Variants in PKHD1 observed in about 807,000 individuals in gnomAD.
The protein encoded by PKHD1 is fibrocystin.
In PKHD1, 291 loss-of-function variants were observed where a neutral mutation model predicts 412.0. The observed-to-expected ratio is 0.71, with a 90% confidence interval of 0.64 to 0.78. PKHD1 has a LOEUF of 0.78. Ranked by LOEUF, PKHD1 falls within the 30% of genes least tolerant of loss-of-function variation. PKHD1 has a pLI of 0.00. For synonymous variants in PKHD1, 1,777 were observed against 1,821.5 expected (o/e 0.98, Z 0.62); for missense variants, 4,825 against 4,950.7 (o/e 0.97, Z 0.76).
chr6:51,774,742 A>G (rs546063941), intron 54 of PKHD1, among the ~76,000 whole-genome samples: 2 of 151,988 alleles, frequency 1.3e-5, no homozygotes, highest in Admixed American at 1.3e-4. Flanking sequence ...AATGAATATT[A>G]AATTTATATC....
At chr6:51,776,961 A>C (rs1222655941) in intron 53 of PKHD1, among the ~76,000 whole-genome samples, 2 of 152,078 alleles carry the variant, frequency 1.3e-5, no homozygotes, top group Non-Finnish European at 2.9e-5. Context: ...GGTTAGTTTC[A>C]ATGGAACATA....
At chr6:51,689,948 C>T (rs560206900) in intron 60 of PKHD1, among the ~76,000 whole-genome samples, 15 of 152,120 alleles carry the variant, frequency 9.9e-5, no homozygotes, top group Admixed American at 2.0e-4. Context: ...AATGCTATTC[C>T]TATAAACTAC....
At chr6:51,636,210 A>G (rs1318975746) in intron 64 of PKHD1, among the ~76,000 whole-genome samples, 1 of 152,164 alleles carries the variant, frequency 6.6e-6, no homozygotes, top group East Asian at 1.9e-4. Flanking sequence ...TCTCTCTAAA[A>G]TATTGGAGAG....
At chr6:51,674,407 TC>T (rs1223346082) in intron 60 of PKHD1, among the ~76,000 whole-genome samples, 1 of 152,174 alleles carries the variant, frequency 6.6e-6, no homozygotes, top group Non-Finnish European at 1.5e-5. Context: ...CCTTCCTTCC[TC>T]CTTTCCTTCC....
chr6:52,046,253 C>A, intron 23 of PKHD1, 65 bp from the exon 24 acceptor site: 1 of 1,247,982 alleles, frequency 8.0e-7, no homozygotes, highest in Non-Finnish European at 1.2e-6. Flanking sequence ...AGAGTTTCAT[C>A]CTCAAGGATA....
At chr6:51,732,012 G>A (rs995580311) in intron 60 of PKHD1, among the ~76,000 whole-genome samples, 2 of 151,962 alleles carry the variant, frequency 1.3e-5, no homozygotes, top group African/African-American at 2.4e-5. Context: ...AAATTGACAT[G>A]GCATAACAGT....
chr6:51,736,689 A>C (rs1173649961), intron 60 of PKHD1, among the ~76,000 whole-genome samples: 3 of 152,154 alleles, frequency 2.0e-5, no homozygotes, highest in African/African-American at 4.8e-5. Flanking sequence ...TAGAAGAAAA[A>C]GACCTCTGCA....
intron 60 of PKHD1, among the ~76,000 whole-genome samples, chr6:51,706,393 G>A (rs1226041374): frequency 6.6e-6 from 1 of 151,594 alleles, no homozygotes; most frequent in East Asian, 1.9e-4. Flanking sequence ...GCCCAAGTAG[G>A]CCCTTCCTTT....
intron 60 of PKHD1, among the ~76,000 whole-genome samples, chr6:51,680,207 G>T (rs541433451): frequency 1.3e-5 from 2 of 151,864 alleles, no homozygotes; most frequent in Non-Finnish European, 2.9e-5. Flanking sequence ...TTTTTTCCAC[G>T]ATGGCTTGAT....
chr6:51,996,050 G>T (rs1562088836), intron 35 of PKHD1, among the ~76,000 whole-genome samples: 1 of 150,968 alleles, frequency 6.6e-6, no homozygotes, highest in Non-Finnish European at 1.5e-5. Flanking sequence ...CCGTCGCCCA[G>T]ACTGGAGTGC....
Position 52,025,431 on chromosome 6 carries a change from T to C in PKHD1, c.4379A>G (p.Asn1460Ser). The C allele has an allele frequency of 1.2e-6, 2 of 1,606,856 alleles. No homozygotes were observed. Among genetic ancestry groups the C allele is most frequent in the Non-Finnish European group, 1.7e-6 (2 of 1,175,584 alleles). The change falls in exon 32 of 67, where the codon AAC becomes AGC. Residue 1460 changes from asparagine to serine, a missense_variant. Physicochemically the swap from Asn to Ser is conservative, Grantham distance 46. Coordinates refer to ENST00000371117, the MANE Select transcript of PKHD1 (RefSeq NM_138694.4). ...TAGCCCATTGACCAGGACTGTGACG[T>C]TCAGGGAGAAGGAAGCTCCAGGCAA... ...DPLPGASFSL[N>S]VTVLVNGLTS...
Position 52,043,644 on chromosome 6 carries a change from A to ATGGACACAGGGAGTTGACCCTTGG in PKHD1, c.2778_2801dup (p.Gln927_His934dup). The ATGGACACAGGGAGTTGACCCTTGG allele has an allele frequency of 6.2e-7, 1 of 1,611,694 alleles. No individual in the cohort carries two copies. The highest frequency in any genetic ancestry group is 8.5e-7 in the Non-Finnish European group (1 of 1,177,868). On this transcript the variant is annotated inframe_insertion, in exon 26 of 67. Transcript: ENST00000371117. ...TCATACCAATGGAGTACCACACAGA[A>ATGGACACAGGGAGTTGACCCTTGG]TGGACACAGGGAGTTGACCCTTGGA...
chr6:51,968,207 A>G (rs1445835621), intron 35 of PKHD1, among the ~76,000 whole-genome samples: 7 of 152,170 alleles, frequency 4.6e-5, no homozygotes, highest in Non-Finnish European at 8.8e-5. Context: ...TCTTCATACA[A>G]TAGAAATAAT....
chr6:51,931,377 G>A (rs1454752465), intron 37 of PKHD1, among the ~76,000 whole-genome samples: 1 of 152,168 alleles, frequency 6.6e-6, no homozygotes, highest in African/African-American at 2.4e-5. Context: ...ACTTGATGGT[G>A]AAAGAAAATT....
chr6:51,868,124 A>G lies in PKHD1; in HGVS notation c.7487-15T>C. 2 of 1,606,722 alleles carry G rather than the reference A, an allele frequency of 1.2e-6. No homozygotes were observed. Among genetic ancestry groups the G allele is most frequent in the Non-Finnish European group, 8.5e-7 (1 of 1,173,618 alleles). The stretch of plus-strand genomic sequence containing the variant: ...AGTAAATCCACCTATAAATTGGAAA[A>G]CAGAAAGATTATTACACAATGGCAC... On this transcript the variant is annotated splice_polypyrimidine_tract_variant and intron_variant, in intron 47 of 66. Transcript: ENST00000371117.
chr6:51,637,447 C>T (rs1479420219), intron 64 of PKHD1, among the ~76,000 whole-genome samples: 1 of 152,132 alleles, frequency 6.6e-6, no homozygotes, highest in African/African-American at 2.4e-5. Flanking sequence ...ATGTGACTCT[C>T]ATGAAAACAT....
chr6:51,823,016 G>A (rs2151466365), intron 52 of PKHD1, among the ~76,000 whole-genome samples: 1 of 151,542 alleles, frequency 6.6e-6, no homozygotes, highest in South Asian at 2.1e-4. Context: ...GTAATGCATA[G>A]TTTCTTTAAG....
Position 52,053,045 on chromosome 6 carries a change from G to A in PKHD1, c.2140+31C>T, listed in dbSNP as rs373677337. 238 of 1,607,516 alleles carry A rather than the reference G, an allele frequency of 1.5e-4. 1 individual carries two copies. In the African/African-American group the frequency reaches 2.9e-3, roughly 20 times the overall value. On this transcript the variant is annotated intron_variant, in intron 21 of 66. Coordinates refer to ENST00000371117, the MANE Select transcript of PKHD1 (RefSeq NM_138694.4). ...AAAGTTTGAGGTAGGCATGTGACCG[G>A]CTTGTGGAGGAGAGAGAATTTGATG...
chr6:51,819,389 CTT>C (rs762185313), intron 52 of PKHD1, among the ~76,000 whole-genome samples: 2 of 152,146 alleles, frequency 1.3e-5, no homozygotes, highest in Non-Finnish European at 2.9e-5. Context: ...AGAGGAAACA[CTT>C]TGAGAAATCC....
Sources: allele counts gnomAD v4.1 joint callset (sites outside exome capture counted in the v4.1 genomes callset), GRCh38; gene constraint gnomAD v4.1.1; transcripts MANE v1.5; gene names NCBI Gene and HGNC (gene_info 2026-07-23, HGNC 2026-07-21).